Variants in SAMD12 observed in about 807,000 individuals in gnomAD.
The protein encoded by SAMD12 is sterile alpha motif domain containing 12.
In SAMD12, 9 loss-of-function variants were observed where a neutral mutation model predicts 15.0. The observed-to-expected ratio is 0.60, with a 90% confidence interval of 0.36 to 1.05. The LOEUF (loss-of-function observed/expected upper bound fraction) is 1.05. Among genes scored for constraint, SAMD12 ranks in the 50% least tolerant of loss-of-function variants. SAMD12 has a pLI of 0.01. For synonymous variants in SAMD12, 86 were observed against 90.1 expected (o/e 0.96, Z 0.25); for missense variants, 230 against 234.2 (o/e 0.98, Z 0.12).
At chr8:118,508,968 TAACA>T (rs1279504189) in intron 2 of SAMD12, among the ~76,000 whole-genome samples, 2 of 152,216 alleles carry the variant, frequency 1.3e-5, no homozygotes, top group Non-Finnish European at 2.9e-5. Flanking sequence ...TGCTCTATAA[TAACA>T]TTTCATATTC....
intron 1 of SAMD12, among the ~76,000 whole-genome samples, chr8:118,597,366 C>T (rs1210523621): frequency 6.6e-6 from 1 of 152,192 alleles, no homozygotes; most frequent in Admixed American, 6.5e-5. Flanking sequence ...CCCCTCACCC[C>T]CATGGTTGCT....
intron 4 of SAMD12, among the ~76,000 whole-genome samples, chr8:118,203,130 T>C (rs1046572258): frequency 6.6e-6 from 1 of 152,194 alleles, no homozygotes; most frequent in African/African-American, 2.4e-5. Context: ...GAAACATTTG[T>C]TGGGAAAAGA....
chr8:118,171,542 T>C, the SAMD12 span, among the ~76,000 whole-genome samples: 1 of 152,150 alleles, frequency 6.6e-6, no homozygotes, highest in East Asian at 1.9e-4. Flanking sequence ...ACATCATGAA[T>C]GAACCCTGAA....
At chr8:118,320,425 T>C (rs1369652076) in intron 4 of SAMD12, among the ~76,000 whole-genome samples, 1 of 152,182 alleles carries the variant, frequency 6.6e-6, no homozygotes, top group African/African-American at 2.4e-5. Flanking sequence ...TGTTGAACCC[T>C]CTGGGTCTCT....
At chr8:118,372,003 G>C (rs141797179) in intron 4 of SAMD12, among the ~76,000 whole-genome samples, 2 of 152,168 alleles carry the variant, frequency 1.3e-5, no homozygotes, top group East Asian at 3.8e-4. Context: ...TGATAAAGCA[G>C]AAGAACTGTG....
At chr8:118,390,333 T>G (rs1820204203) in intron 3 of SAMD12, among the ~76,000 whole-genome samples, 1 of 152,144 alleles carries the variant, frequency 6.6e-6, no homozygotes, top group Non-Finnish European at 1.5e-5. Context: ...ACCTTCCTTC[T>G]TCCATGTCCC....
intron 3 of SAMD12, among the ~76,000 whole-genome samples, chr8:118,424,316 G>C (rs1485499926): frequency 1.3e-5 from 2 of 152,054 alleles, no homozygotes; most frequent in African/African-American, 4.8e-5. Context: ...ACTTTGATGT[G>C]GAGTTCCTGC....
At chr8:118,321,254 T>G (rs1586520602) in intron 4 of SAMD12, among the ~76,000 whole-genome samples, 1 of 142,432 alleles carries the variant, frequency 7.0e-6, no homozygotes, top group Non-Finnish European at 1.5e-5. Flanking sequence ...GGATCTCAGG[T>G]TAAGAATCCC....
chr8:118,352,177 C>T (rs1312769579), intron 4 of SAMD12, among the ~76,000 whole-genome samples: 2 of 152,164 alleles, frequency 1.3e-5, no homozygotes, highest in Non-Finnish European at 2.9e-5. Context: ...GCTGTTGAAG[C>T]AGTCATCCAA....
chr8:118,405,781 C>T (rs1304202321), intron 3 of SAMD12, among the ~76,000 whole-genome samples: 1 of 152,106 alleles, frequency 6.6e-6, no homozygotes, highest in Non-Finnish European at 1.5e-5. Context: ...TTTAAAACCC[C>T]TTTGGGTCCT....
At chr8:118,318,318 A>AC (rs1816032026) in intron 4 of SAMD12, among the ~76,000 whole-genome samples, 1 of 11,706 alleles carries the variant, frequency 8.5e-5, no homozygotes, top group East Asian at 6.2e-3. Context: ...GTGTATATAT[A>AC]TATATATATA....
At chr8:118,461,828 G>C (rs1444470461) in intron 2 of SAMD12, among the ~76,000 whole-genome samples, 2 of 152,178 alleles carry the variant, frequency 1.3e-5, no homozygotes, top group African/African-American at 4.8e-5. Flanking sequence ...GGGGAAACAT[G>C]CTCTCTGTTA....
rs1483615556 is a variant in SAMD12 at position 118,517,455 on chromosome 8, A to T, written c.192+63260T>A. Among the ~76,000 whole-genome samples, 3 of 152,376 alleles carry T rather than the reference A, an allele frequency of 2.0e-5. 1 individual carries two copies. The highest frequency in any genetic ancestry group is 2.9e-5 in the Non-Finnish European group (2 of 68,036). On this transcript the variant is annotated intron_variant, in intron 2 of 3. Coordinates refer to ENST00000314727, the MANE Select transcript of SAMD12 (RefSeq NM_207506.3). Reference sequence around the variant, plus strand: ...AAGGTTACGATACAATAGTTCTAACAATAGTTCTTGGTACATAAGTGACTG... The same window carrying T: ...AAGGTTACGATACAATAGTTCTAACTATAGTTCTTGGTACATAAGTGACTG...
At chr8:118,600,431 A>C (rs1431151530) in intron 1 of SAMD12, among the ~76,000 whole-genome samples, 1 of 152,164 alleles carries the variant, frequency 6.6e-6, no homozygotes, top group Non-Finnish European at 1.5e-5. Context: ...TCTATAAAGG[A>C]TTAGATGGTA....
At chr8:118,605,764 CAATATATATATATATATATATATATA>C (rs1827968265) in intron 1 of SAMD12, among the ~76,000 whole-genome samples, 3 of 81,562 alleles carry the variant, frequency 3.7e-5, no homozygotes, top group Non-Finnish European at 7.4e-5. Flanking sequence ...AAACCCATCA[CAATATATATATATATATATATATATA>C]TATATATATA....
At chr8:118,343,827 C>T (rs1197995457) in intron 4 of SAMD12, among the ~76,000 whole-genome samples, 1 of 152,086 alleles carries the variant, frequency 6.6e-6, no homozygotes, top group Non-Finnish European at 1.5e-5. Context: ...GAGGGGCACT[C>T]AATATAATGG....
chr8:118,464,488 G>T (rs919731487), intron 2 of SAMD12, among the ~76,000 whole-genome samples: 1 of 152,162 alleles, frequency 6.6e-6, no homozygotes, highest in African/African-American at 2.4e-5. Flanking sequence ...CAACTAAAGA[G>T]AGCTATTTAT....
chr8:118,320,782 ATTGTGCAC>A (rs1816204314), intron 4 of SAMD12, among the ~76,000 whole-genome samples: 2 of 150,822 alleles, frequency 1.3e-5, no homozygotes, highest in African/African-American at 4.9e-5. Flanking sequence ...AAATCTGCAC[ATTGTGCAC>A]ATGTACCCTA....
chr8:118,580,852 C>A lies in SAMD12; in HGVS notation c.55G>T (p.Ala19Ser), dbSNP rs777236148. The A allele has an allele frequency of 9.9e-6, 16 of 1,612,926 alleles. No homozygotes were observed. Among genetic ancestry groups the A allele is most frequent in the Non-Finnish European group, 5.1e-6 (6 of 1,179,398 alleles). ...GLNPRGIDHP[A>S]HAEGIKLQIE... ...TGCAGTTTAATACCTTCAGCATGGG[C>A]AGGGTGATCAATACCCCGTGGATTC... The change falls in exon 2 of 4, where the codon GCC becomes TCC. Residue 19 changes from alanine to serine, a missense_variant. Coordinates refer to ENST00000314727, the MANE Select transcript of SAMD12 (RefSeq NM_207506.3).
Sources: allele counts gnomAD v4.1 joint callset (sites outside exome capture counted in the v4.1 genomes callset), GRCh38; gene constraint gnomAD v4.1.1; transcripts MANE v1.5; gene names NCBI Gene and HGNC (gene_info 2026-07-23, HGNC 2026-07-21).